The following WDR88 variants were observed in gnomAD, a reference collection of about 807,000 sequenced individuals.
WDR88 encodes the protein WD repeat-containing protein 88.
Under a neutral mutation model 46.8 loss-of-function variants are expected in WDR88, and 40 were observed. The observed-to-expected ratio is 0.86, with a 90% CI of 0.66 to 1.11. WDR88 has a LOEUF of 1.11. Ranked by LOEUF, WDR88 falls within the 50% of genes most tolerant of loss-of-function variation. The pLI, the probability that WDR88 is intolerant of heterozygous loss-of-function variation, is 0.00. For synonymous variants in WDR88, 235 were observed against 240.7 expected (o/e 0.98, Z 0.22); for missense variants, 562 against 602.4 (o/e 0.93, Z 0.70).
At chr19:33,162,092 C>T (rs75570719) in intron 8 of WDR88, among the ~76,000 whole-genome samples, 14,639 of 152,264 alleles carry the variant, frequency 0.096, 1,102 homozygotes, top group Admixed American at 0.24. Context: ...CACTTTCTGC[C>T]TCTTTCCATA....
chr19:33,156,018 C>G (rs1031047040), intron 6 of WDR88, among the ~76,000 whole-genome samples: 1 of 152,214 alleles, frequency 6.6e-6, no homozygotes, highest in African/African-American at 2.4e-5. Context: ...CCACTAGAGC[C>G]TAGGAGTTTG....
At chr19:33,153,312 A>G (rs1973672066) in intron 6 of WDR88, among the ~76,000 whole-genome samples, 1 of 147,550 alleles carries the variant, frequency 6.8e-6, no homozygotes, top group African/African-American at 2.5e-5. Flanking sequence ...TGATCCTCTC[A>G]CTTTGGCCTC....
chr19:33,132,333 TG>T lies in WDR88; in HGVS notation c.166del (p.Ala56ProfsTer27). 1 of 1,614,124 alleles carries T rather than the reference TG, an allele frequency of 6.2e-7. No homozygotes were observed. The highest frequency in any genetic ancestry group is 1.1e-5 in the South Asian group (1 of 91,090). ...CTGTCGATCCCGCACACGCACCTGC[TG>T]GCCACCCTCGACCCCCTGGCCTTGG... Reference protein sequence around the residue: ...FKLSIPHTHLLATLDPLALDR... With the variant: ...FKLSIPHTHLXATLDPLALDR... On this transcript the variant is annotated frameshift_variant, in exon 1 of 11. Transcript: ENST00000355868. LOFTEE classifies it high-confidence loss of function.
chr19:33,159,756 A>G (rs767325193), intron 7 of WDR88, among the ~76,000 whole-genome samples: 9 of 152,018 alleles, frequency 5.9e-5, no homozygotes, highest in Non-Finnish European at 7.4e-5. Context: ...CACAAATGGG[A>G]GCTGTGGAGG....
intron 2 of WDR88, among the ~76,000 whole-genome samples, chr19:33,141,951 G>A (rs1973404592): frequency 6.6e-6 from 1 of 152,232 alleles, no homozygotes; most frequent in African/African-American, 2.4e-5. Flanking sequence ...AAAGTGCTGG[G>A]ATTACAGGCA....
At position 33,140,771 on chromosome 19, in the gene WDR88, C is replaced by T. The variant is rs552286802; in HGVS notation, c.387+2984C>T. Among the ~76,000 whole-genome samples the T allele has an allele frequency of 6.9e-4, 104 of 150,654 alleles. 1 individual carries two copies. The highest frequency in any genetic ancestry group is 2.3e-3 in the African/African-American group (96 of 41,070). On this transcript the variant is annotated intron_variant, in intron 2 of 10. Coordinates refer to ENST00000355868, the MANE Select transcript of WDR88 (RefSeq NM_173479.4). ...CACCACTGCACTCCAGCCTGGGCGACGGTGGGAGACTCCGTCTCAAAAAAA... is the reference window on the plus strand; with the variant it reads ...CACCACTGCACTCCAGCCTGGGCGATGGTGGGAGACTCCGTCTCAAAAAAA...
rs1364865067 is a variant in WDR88 at position 33,157,679 on chromosome 19, GTATGTATGTATA to G, written c.997+1141_997+1152del. Among the ~76,000 whole-genome samples, 24 of 94,186 alleles carry G rather than the reference GTATGTATGTATA, an allele frequency of 2.5e-4. 1 individual carries two copies. The highest frequency in any genetic ancestry group is 8.6e-4 in the East Asian group (1 of 1,164). The allele number at this position is 94,186 out of a possible 152,430, so 61.8% of individuals were successfully genotyped here. A position where few individuals can be genotyped will look rare whatever the true frequency, so the allele number is the denominator to read the frequency against. ...TATATATGTATGTATGTGTGTGTGT[GTATGTATGTATA>G]TATATATATATATATATATATATAT... is the stretch of plus-strand genomic sequence containing the variant. On this transcript the variant is annotated intron_variant, in intron 7 of 10. Transcript: ENST00000355868.
chr19:33,164,106 T>A, intron 8 of WDR88, 91 bp from the exon 9 acceptor site: 6 of 1,233,310 alleles, frequency 4.9e-6, no homozygotes, highest in Non-Finnish European at 7.1e-6. Flanking sequence ...AAAGGCAGGT[T>A]ACAGGTGTGA....
At chr19:33,170,788 C>T (rs1200652951) in intron 9 of WDR88, among the ~76,000 whole-genome samples, 4 of 151,846 alleles carry the variant, frequency 2.6e-5, no homozygotes, top group African/African-American at 4.8e-5. Context: ...CTGGAGCCTG[C>T]GAAGCGGAGG....
intron 5 of WDR88, 113 bp downstream of exon 5, chr19:33,149,023 C>A: frequency 6.7e-7 from 1 of 1,487,142 alleles, no homozygotes; most frequent in South Asian, 1.3e-5. Context: ...TGGTATGAAG[C>A]ACGTCATTAA....
chr19:33,168,887 A>C (rs567959450), intron 9 of WDR88, among the ~76,000 whole-genome samples: 1 of 152,312 alleles, frequency 6.6e-6, no homozygotes, highest in South Asian at 2.1e-4. Flanking sequence ...ACAGTAATTA[A>C]AACAGTGTAG....
chr19:33,172,231 A>G, intron 9 of WDR88, 117 bp from the exon 10 acceptor site: 1 of 806,242 alleles, frequency 1.2e-6, no homozygotes, highest in Non-Finnish European at 2.0e-6. Context: ...TGTGCATTGA[A>G]GGTTCCTCTG....
Position 33,148,915 on chromosome 19 carries a change from G to A in WDR88, c.679+5G>A. On this transcript the variant is annotated splice_donor_5th_base_variant and intron_variant, in intron 5 of 10. Coordinates refer to ENST00000355868, the MANE Select transcript of WDR88 (RefSeq NM_173479.4). ...CCACCGTTTCCGTCATCAAAGGTGA[G>A]GGTGTGCGGGCTCCCTGTATCTTCA... 3 of 1,613,918 alleles carry A rather than the reference G, an allele frequency of 1.9e-6. No homozygotes were observed. Among genetic ancestry groups the A allele is most frequent in the Admixed American group, 3.3e-5 (2 of 59,994 alleles).
chr19:33,146,432 TTTCCTTCC>T (rs146586878), intron 3 of WDR88, among the ~76,000 whole-genome samples: 3 of 146,538 alleles, frequency 2.0e-5, no homozygotes, highest in Non-Finnish European at 3.0e-5. Context: ...TTAGGTCCTA[TTTCCTTCC>T]TTCCTTCCTT....
At chr19:33,153,619 C>T (rs56362610) in intron 6 of WDR88, among the ~76,000 whole-genome samples, 21,006 of 151,970 alleles carry the variant, frequency 0.14, 3,314 homozygotes, top group African/African-American at 0.39. Context: ...CTCAGCCTCC[C>T]GAGTAGGTGG....
intron 8 of WDR88, among the ~76,000 whole-genome samples, chr19:33,162,179 C>T (rs1482084333): frequency 6.6e-6 from 1 of 152,136 alleles, no homozygotes; most frequent in Non-Finnish European, 1.5e-5. Flanking sequence ...GCAATGGCAG[C>T]TATCTGCTCT....
In WDR88 at chr19:33,138,352, CTTTTG is replaced by C. The variant is rs1173685184; in HGVS notation, c.387+569_387+573del. On this transcript the variant is annotated intron_variant, in intron 2 of 10. Transcript: ENST00000355868. ...TAGGCATGAGCCACAGCGACTGGCCCTTTTGTTTGTTTGTTTGTTTTTGAGAACAA... is the reference window on the plus strand; with the variant it reads ...TAGGCATGAGCCACAGCGACTGGCCCTTTGTTTGTTTGTTTTTGAGAACAA... Among the ~76,000 whole-genome samples, 9 of 147,040 alleles carry C rather than the reference CTTTTG, an allele frequency of 6.1e-5. No individual in the cohort carries two copies. The South Asian group carries it at 1.9e-3, about 31-fold the overall frequency.
Position 33,138,569 on chromosome 19 carries a change from A to G in WDR88, c.387+782A>G, listed in dbSNP as rs376605012. 1.9e-4 allele frequency among the ~76,000 whole-genome samples: 29 copies of G among 150,802 alleles called. No homozygotes were observed. In the East Asian group the frequency reaches 3.9e-3, roughly 20 times the overall value. ...ACCACGTTAGCCAGGCTGGTCTCGA[A>G]CTCCTGACTTCAGATGATCCACCTG... is the stretch of plus-strand genomic sequence containing the variant. On this transcript the variant is annotated intron_variant, in intron 2 of 10. Transcript: ENST00000355868.
chr19:33,157,498 A>AAT (rs1336955112), intron 7 of WDR88, among the ~76,000 whole-genome samples: 92 of 133,680 alleles, frequency 6.9e-4, no homozygotes, highest in African/African-American at 8.8e-4. Flanking sequence ...ACTCTGTCTC[A>AAT]ATATATATAT....
Sources: allele counts gnomAD v4.1 joint callset (sites outside exome capture counted in the v4.1 genomes callset), GRCh38; gene constraint gnomAD v4.1.1; transcripts MANE v1.5; gene names NCBI Gene and HGNC (gene_info 2026-07-23, HGNC 2026-07-21).